NBEA: variants seen among roughly 807,000 people sequenced by gnomAD.
NBEA encodes neurobeachin, also known as lysosomal-trafficking regulator 2.
NBEA carries 44 observed loss-of-function variants against 343.4 expected under a neutral mutation model. That is an observed-to-expected ratio of 0.13 (90% confidence interval 0.10 to 0.16). The LOEUF is 0.16. NBEA is among the 10% of genes least tolerant of loss of function. The pLI, the probability that NBEA is intolerant of heterozygous loss-of-function variation, is 1.00. For missense variants in NBEA, 2,555 were observed against 3,631.3 expected, an observed-to-expected ratio of 0.70 and a Z score of 7.62; for synonymous variants, 1,175 against 1,238.7, an observed-to-expected ratio of 0.95 and a Z score of 1.08.
At chr13:35,287,984 T>C (rs2035546693) in intron 34 of NBEA, among the ~76,000 whole-genome samples, 1 of 151,914 alleles carries the variant, frequency 6.6e-6, no homozygotes, top group Admixed American at 6.6e-5. Flanking sequence ...TTAATTTGAA[T>C]TAAAATATGG....
chr13:35,272,941 C>G (rs2034280719), intron 34 of NBEA, among the ~76,000 whole-genome samples: 1 of 152,104 alleles, frequency 6.6e-6, no homozygotes, highest in African/African-American at 2.4e-5. Context: ...TTAGACAGAT[C>G]AATGAGACCA....
chr13:35,588,883 A>G (rs2081402029), intron 46 of NBEA, among the ~76,000 whole-genome samples: 1 of 152,096 alleles, frequency 6.6e-6, no homozygotes, highest in South Asian at 2.1e-4. Flanking sequence ...ACATTTCATA[A>G]TTTCCAAGGA....
rs190420989 is a variant in NBEA at position 35,503,317 on chromosome 13, T to A, written c.6585+30781T>A. Among the ~76,000 whole-genome samples, 332 of 151,994 alleles carry A rather than the reference T, an allele frequency of 2.2e-3. 2 individuals carry two copies. Among genetic ancestry groups the A allele is most frequent in the Non-Finnish European group, 3.2e-3 (214 of 67,894 alleles). ...CCAGAGATAAGAATTTAAAATACTA[T>A]ACATTTTCAATGTATCTGTCTACAT... is the stretch of plus-strand genomic sequence containing the variant. On this transcript the variant is annotated intron_variant, in intron 41 of 58. Transcript: ENST00000379939.
chr13:35,198,223 T>C (rs755456539), intron 31 of NBEA, among the ~76,000 whole-genome samples: 1 of 152,156 alleles, frequency 6.6e-6, no homozygotes, highest in Non-Finnish European at 1.5e-5. Context: ...TATATGTGTG[T>C]TTATAAGTTT....
intron 45 of NBEA, among the ~76,000 whole-genome samples, chr13:35,569,304 A>G (rs996997566): frequency 6.6e-6 from 1 of 152,232 alleles, no homozygotes; most frequent in Non-Finnish European, 1.5e-5. Flanking sequence ...GTTCTTTGAC[A>G]AAATCTTGTC....
At chr13:35,025,503 T>A (rs2061987955) in intron 1 of NBEA, among the ~76,000 whole-genome samples, 1 of 152,172 alleles carries the variant, frequency 6.6e-6, no homozygotes, top group South Asian at 2.1e-4. Flanking sequence ...TTCTGGGTTG[T>A]CTAACCTGTT....
chr13:35,098,488 C>A, intron 11 of NBEA, 83 bp downstream of exon 11: 1 of 951,418 alleles, frequency 1.1e-6, no homozygotes, highest in Non-Finnish European at 1.6e-6. Flanking sequence ...TCTGTAATTT[C>A]ACTTTCCATT....
intron 17 of NBEA, among the ~76,000 whole-genome samples, chr13:35,141,811 T>G (rs887441937): frequency 2.0e-5 from 3 of 152,222 alleles, no homozygotes; most frequent in Admixed American, 2.0e-4. Context: ...ACACCAAAAT[T>G]AAGCTAGAGT....
At chr13:35,652,520 A>G (rs577206864) in intron 53 of NBEA, among the ~76,000 whole-genome samples, 26 of 149,464 alleles carry the variant, frequency 1.7e-4, no homozygotes, top group African/African-American at 6.1e-4. Flanking sequence ...GGGCACCTGT[A>G]GTCCCAGCTA....
intron 49 of NBEA, 130 bp downstream of exon 49, chr13:35,628,378 CAT>C (rs2083314522): frequency 5.8e-6 from 4 of 690,502 alleles, no homozygotes; most frequent in East Asian, 3.1e-5. Context: ...AGGTTCTTGA[CAT>C]ATGTGGAAAA....
At chr13:35,398,511 G>A (rs544328400) in intron 38 of NBEA, among the ~76,000 whole-genome samples, 3 of 152,180 alleles carry the variant, frequency 2.0e-5, no homozygotes, top group Admixed American at 2.0e-4. Flanking sequence ...TTGATGCATG[G>A]GCTACAGAAT....
intron 38 of NBEA, among the ~76,000 whole-genome samples, chr13:35,426,947 C>T (rs1398461456): frequency 5.3e-5 from 8 of 152,198 alleles, no homozygotes; most frequent in South Asian, 4.1e-4. Context: ...CTTCTGCATT[C>T]GTCACGTAGT....
intron 10 of NBEA, among the ~76,000 whole-genome samples, chr13:35,080,601 T>TTATACCC (rs1391071664): frequency 6.6e-6 from 1 of 152,132 alleles, no homozygotes; most frequent in Non-Finnish European, 1.5e-5. Context: ...TTTGGGGCGG[T>TTATACCC]AAAGCTGACT....
intron 38 of NBEA, among the ~76,000 whole-genome samples, chr13:35,356,493 G>T (rs534245351): frequency 6.6e-6 from 1 of 152,110 alleles, no homozygotes; most frequent in Non-Finnish European, 1.5e-5. Flanking sequence ...ACTTGTAAAT[G>T]CAAGAAAAAT....
At chr13:35,578,455 G>A (rs148133189) in intron 45 of NBEA, among the ~76,000 whole-genome samples, 9 of 152,222 alleles carry the variant, frequency 5.9e-5, no homozygotes, top group African/African-American at 9.6e-5. Context: ...ACAGGAGTTC[G>A]AGACCAGCCT....
At chr13:35,158,047 T>G (rs1381620582) in intron 21 of NBEA, among the ~76,000 whole-genome samples, 1 of 152,166 alleles carries the variant, frequency 6.6e-6, no homozygotes, top group Non-Finnish European at 1.5e-5. Flanking sequence ...CCGTTCAGTG[T>G]GAAAGACAAT....
intron 5 of NBEA, among the ~76,000 whole-genome samples, chr13:35,049,673 A>G (rs2062995796): frequency 6.6e-6 from 1 of 151,802 alleles, no homozygotes; most frequent in Admixed American, 6.6e-5. Flanking sequence ...TGGTATCTGC[A>G]TTTTTCAGTG....
rs571102808 is a variant in NBEA at position 35,188,906 on chromosome 13, G to GT, written c.4927+4852dup. On this transcript the variant is annotated intron_variant, in intron 30 of 58. Coordinates refer to ENST00000379939, the MANE Select transcript of NBEA (RefSeq NM_001385012.1). The stretch of plus-strand genomic sequence containing the variant: ...CTCCAACACCTATATTTTACTTTTT[G>GT]TTTTTTTTTTTTTTTTTGGTTGTTT... Among the ~76,000 whole-genome samples the GT allele has an allele frequency of 7.0e-3, 772 of 109,622 alleles. 1 individual carries two copies. The highest frequency in any genetic ancestry group is 0.019 in the South Asian group (65 of 3,428). The allele number at this position is 109,622 out of a possible 152,430, so 71.9% of individuals were successfully genotyped here.
chr13:35,402,866 T>C (rs148260043), intron 38 of NBEA, among the ~76,000 whole-genome samples: 1 of 152,100 alleles, frequency 6.6e-6, no homozygotes, highest in Non-Finnish European at 1.5e-5. Context: ...TAATTTACTA[T>C]GTTGTATTTT....
Sources: allele counts gnomAD v4.1 joint callset (sites outside exome capture counted in the v4.1 genomes callset), GRCh38; gene constraint gnomAD v4.1.1; transcripts MANE v1.5; gene names NCBI Gene and HGNC (gene_info 2026-07-23, HGNC 2026-07-21).